The following DCHS2 variants were observed in gnomAD, a reference collection of about 807,000 sequenced individuals.
DCHS2 encodes dachsous cadherin-related 2.
In DCHS2, 142 loss-of-function variants were observed where a neutral mutation model predicts 182.4. The observed-to-expected ratio is 0.78, with a 90% CI of 0.68 to 0.89. The LOEUF is 0.89. DCHS2 is among the 40% of genes least tolerant of loss of function. The pLI is 0.00. For missense variants in DCHS2, 4,319 were observed against 4,198.6 expected (o/e 1.03, Z -0.79); for synonymous variants, 1,740 against 1,663.3 (o/e 1.05, Z -1.12).
chr4:154,424,431 AG>A (rs1295317494), intron 1 of DCHS2, among the ~76,000 whole-genome samples: 2 of 152,212 alleles, frequency 1.3e-5, no homozygotes, highest in Non-Finnish European at 2.9e-5. Flanking sequence ...TGAGACAATT[AG>A]GATGTGCAAA....
intron 1 of DCHS2, among the ~76,000 whole-genome samples, chr4:154,414,981 A>G (rs1732775894): frequency 6.6e-6 from 1 of 152,180 alleles, no homozygotes; most frequent in African/African-American, 2.4e-5. Flanking sequence ...TGCCGCGGCT[A>G]CAGCTCCCAG....
chr4:154,359,478 ATAGT>A (rs1024106857), intron 3 of DCHS2, among the ~76,000 whole-genome samples: 6 of 151,972 alleles, frequency 3.9e-5, no homozygotes, highest in Non-Finnish European at 7.4e-5. Flanking sequence ...AAGCCATGAA[ATAGT>A]TAGCAACAAA....
chr4:154,346,335 C>T (rs1030805475), intron 3 of DCHS2, among the ~76,000 whole-genome samples: 1 of 152,070 alleles, frequency 6.6e-6, no homozygotes, highest in African/African-American at 2.4e-5. Context: ...ACAGACAGCC[C>T]CTACAAAGAT....
At chr4:154,450,827 A>C (rs1466937349) in intron 1 of DCHS2, among the ~76,000 whole-genome samples, 1 of 152,072 alleles carries the variant, frequency 6.6e-6, no homozygotes, top group Non-Finnish European at 1.5e-5. Context: ...CCATCTCAGA[A>C]AAAAAAAGAA....
At chr4:154,417,158 AGTGTGTGTGTGTGTGTGTGT>A (rs778940410) in intron 1 of DCHS2, among the ~76,000 whole-genome samples, 4 of 80,096 alleles carry the variant, frequency 5.0e-5, no homozygotes, top group African/African-American at 9.9e-5. Context: ...GCCGGTCCCG[AGTGTGTGTGTGTGTGTGTGT>A]GTGTGTGTGT....
intron 10 of DCHS2, among the ~76,000 whole-genome samples, chr4:154,308,265 AC>A (rs1735530479): frequency 6.6e-6 from 1 of 151,848 alleles, no homozygotes; most frequent in African/African-American, 2.4e-5. Flanking sequence ...AAAAAAAAAA[AC>A]AAAAAACAAA....
chr4:154,376,386 T>A (rs553651761), intron 2 of DCHS2, among the ~76,000 whole-genome samples: 1 of 152,150 alleles, frequency 6.6e-6, no homozygotes, highest in South Asian at 2.1e-4. Context: ...ATCCAGGAAT[T>A]TATACTCAAA....
chr4:154,480,331 G>A (rs1471664525), intron 1 of DCHS2, among the ~76,000 whole-genome samples: 2 of 152,170 alleles, frequency 1.3e-5, no homozygotes, highest in Admixed American at 6.5e-5. Context: ...TTGAAATGAA[G>A]AACAAAGGAA....
intron 13 of DCHS2, among the ~76,000 whole-genome samples, chr4:154,279,263 G>A (rs372895506): frequency 3.3e-5 from 5 of 151,724 alleles, no homozygotes; most frequent in African/African-American, 9.7e-5. Flanking sequence ...AAAAATCAAG[G>A]TATGTTGCTA....
intron 3 of DCHS2, among the ~76,000 whole-genome samples, chr4:154,360,136 A>G (rs6536001): frequency 0.87 from 131,590 of 152,022 alleles, 56,997 homozygotes; most frequent in South Asian, 0.93. Flanking sequence ...AATATTTGCC[A>G]TGTTTATCCC....
chr4:154,234,341 T>A lies in DCHS2; in HGVS notation c.*195A>T. Reference sequence around the variant, plus strand: ...AGTCCTGAGAGCAACACATAAGGATTAAAAGAGGAAATAACTTTTCATTAA... The same window carrying A: ...AGTCCTGAGAGCAACACATAAGGATAAAAAGAGGAAATAACTTTTCATTAA... On this transcript the variant is annotated 3_prime_UTR_variant, in exon 20 of 20. Transcript: ENST00000357232. 1.4e-6 allele frequency: 1 copy of A among 722,998 alleles called. No homozygotes were observed. 44.8% of individuals were successfully genotyped at this position (722,998 alleles called of 1,614,324 possible).
chr4:154,405,856 AG>A (rs1223551494), intron 1 of DCHS2, among the ~76,000 whole-genome samples: 1 of 152,142 alleles, frequency 6.6e-6, no homozygotes, highest in African/African-American at 2.4e-5. Flanking sequence ...ATGTCTCGTA[AG>A]TTTTTTTTAT....
At chr4:154,238,017 T>C (rs1397509624) in intron 19 of DCHS2, among the ~76,000 whole-genome samples, 1 of 152,176 alleles carries the variant, frequency 6.6e-6, no homozygotes, top group African/African-American at 2.4e-5. Context: ...AATCTGTCAA[T>C]AGCACATGTC....
At chr4:154,449,302 A>G (rs926823831) in intron 1 of DCHS2, among the ~76,000 whole-genome samples, 1 of 152,130 alleles carries the variant, frequency 6.6e-6, no homozygotes, top group Non-Finnish European at 1.5e-5. Flanking sequence ...TTTTCAATTA[A>G]TCTTGATTTT....
chr4:154,408,424 T>C (rs1214757779), intron 1 of DCHS2, among the ~76,000 whole-genome samples: 1 of 152,206 alleles, frequency 6.6e-6, no homozygotes, highest in Non-Finnish European at 1.5e-5. Context: ...TTGTATATGT[T>C]GACCACGGAA....
intron 2 of DCHS2, among the ~76,000 whole-genome samples, chr4:154,376,245 T>C (rs1230470166): frequency 1.3e-5 from 2 of 152,084 alleles, no homozygotes; most frequent in Non-Finnish European, 2.9e-5. Flanking sequence ...TATATGTCAA[T>C]TAAAAAGTTT....
Position 154,235,212 on chromosome 4 carries a change from C to T in DCHS2, c.9440G>A (p.Gly3147Glu). The stretch of plus-strand genomic sequence containing the variant: ...GGCAGTCACCATCACATCAGTTTCC[C>T]CAGATAGGCAGGAGAGCTGGTCTGA... The part of the protein sequence containing the change: ...RDSDQLSCLS[G>E]ETDVMVTAET... The change falls in exon 20 of 20, where the codon GGG becomes GAG. Residue 3147 changes from glycine to glutamate, a missense_variant. Gly to Glu is a moderately conservative substitution (Grantham distance 98). Coordinates refer to ENST00000357232, the MANE Select transcript of DCHS2 (RefSeq NM_001358235.2). 6.2e-7 allele frequency: 1 copy of T among 1,614,064 alleles called. No individual in the cohort carries two copies. Among genetic ancestry groups the T allele is most frequent in the South Asian group, 1.1e-5 (1 of 91,076 alleles).
At position 154,333,425 on chromosome 4, in the gene DCHS2, C is replaced by T; in HGVS notation, c.2783G>A (p.Arg928Gln). 2.5e-6 allele frequency: 4 copies of T among 1,613,896 alleles called. No homozygotes were observed. The highest frequency in any genetic ancestry group is 2.5e-6 in the Non-Finnish European group (3 of 1,179,994). The change falls in exon 5 of 20, where the codon CGG becomes CAG. Residue 928 changes from arginine (R) to glutamine (Q), a missense_variant. Arg to Gln is a conservative substitution (Grantham distance 43). Transcript: ENST00000357232. ...DLGGKFSIHP[R>Q]LGTIRTRKPL... ...CTTCCGGGTGCGAATAGTGCCCAGC[C>T]GCGGGTGAATGGAGAACTTTCCGCC...
intron 13 of DCHS2, among the ~76,000 whole-genome samples, chr4:154,293,382 A>G (rs1286180581): frequency 6.6e-6 from 1 of 152,044 alleles, no homozygotes; most frequent in African/African-American, 2.4e-5. Context: ...GGGTTTCTCC[A>G]TGTTGGTCAG....
Sources: gnomAD v4.1 joint callset for allele counts (sites outside exome capture counted in the v4.1 genomes callset) on GRCh38, gnomAD v4.1.1 for gene constraint, MANE v1.5 for transcripts, NCBI Gene and HGNC (gene_info 2026-07-23, HGNC 2026-07-21) for gene names.